The following PSD3 variants were observed in gnomAD, a reference collection of about 807,000 sequenced individuals.
The protein encoded by PSD3 is PH and SEC7 domain-containing protein 3.
Under a neutral mutation model 105.5 loss-of-function variants are expected in PSD3, and 49 were observed. The ratio of observed to expected loss-of-function variants is 0.46; its 90% CI spans 0.37 to 0.59. PSD3 has a LOEUF of 0.59. Among genes scored for constraint, PSD3 ranks in the 20% least tolerant of loss-of-function variants. PSD3 has a pLI of 0.00. For missense variants in PSD3, 1,561 were observed against 1,263.8 expected (o/e 1.24, Z -3.57); for synonymous variants, 557 against 457.8 (o/e 1.22, Z -2.77).
At chr8:19,017,290 CCTT>C (rs1827208632), upstream of PSD3, among the ~76,000 whole-genome samples, 1 of 152,102 alleles carries the variant, frequency 6.6e-6, no homozygotes, top group Non-Finnish European at 1.5e-5. Flanking sequence ...CTCAAACAGT[CCTT>C]CTGCCTCAGC....
intron 14 of PSD3, among the ~76,000 whole-genome samples, chr8:18,562,696 C>T (rs546540485): frequency 7.2e-5 from 11 of 152,230 alleles, no homozygotes; most frequent in South Asian, 2.1e-4. Context: ...CGAGACCAGC[C>T]TGGCCAACAT....
chr8:18,573,748 C>T (rs1545999), intron 13 of PSD3, among the ~76,000 whole-genome samples: 95,622 of 151,964 alleles, frequency 0.63, 30,369 homozygotes, highest in African/African-American at 0.69. Context: ...GGCAATACTG[C>T]AGAGGCAGAA....
intron 9 of PSD3, among the ~76,000 whole-genome samples, chr8:18,674,589 C>T (rs945984224): frequency 6.6e-6 from 1 of 152,164 alleles, no homozygotes; most frequent in Non-Finnish European, 1.5e-5. Flanking sequence ...CACTTAATCA[C>T]AGTCTAAGAG....
chr8:18,745,362 A>T (rs1317537374), intron 9 of PSD3, among the ~76,000 whole-genome samples: 2 of 152,176 alleles, frequency 1.3e-5, no homozygotes, highest in Non-Finnish European at 1.5e-5. Context: ...CCTTCTCCAC[A>T]ATTTTTAAAA....
At chr8:19,043,053 C>T (rs1276645034) in intron 1 of PSD3, among the ~76,000 whole-genome samples, 1 of 152,104 alleles carries the variant, frequency 6.6e-6, no homozygotes, top group Non-Finnish European at 1.5e-5. Context: ...CTACTTTGAC[C>T]TTACAGAAAG....
chr8:19,031,808 G>A (rs966771201), intron 1 of PSD3, among the ~76,000 whole-genome samples: 2 of 152,148 alleles, frequency 1.3e-5, no homozygotes, highest in Non-Finnish European at 2.9e-5. Flanking sequence ...TAGTCTCATA[G>A]AACTGAACTA....
chr8:18,559,356 C>T (rs936697381), intron 14 of PSD3, among the ~76,000 whole-genome samples: 2 of 151,988 alleles, frequency 1.3e-5, no homozygotes, highest in Non-Finnish European at 2.9e-5. Flanking sequence ...TTTATATTTC[C>T]CTGAATATGA....
intron 14 of PSD3, among the ~76,000 whole-genome samples, chr8:18,563,980 T>C (rs1329348314): frequency 6.6e-6 from 1 of 152,096 alleles, no homozygotes; most frequent in Non-Finnish European, 1.5e-5. Context: ...AGTTTTAAAA[T>C]CAGTATTGAG....
chr8:18,607,691 A>AC (rs1563372429), intron 11 of PSD3, among the ~76,000 whole-genome samples: 3 of 94,138 alleles, frequency 3.2e-5, no homozygotes, highest in Non-Finnish European at 7.0e-5. Context: ...TACAAAAAAA[A>AC]AAAACAAAAC....
intron 1 of PSD3, among the ~76,000 whole-genome samples, 175 bp downstream of exon 1, chr8:19,013,388 C>T (rs1827045263): frequency 6.6e-6 from 1 of 152,122 alleles, no homozygotes; most frequent in Admixed American, 6.5e-5. Flanking sequence ...TCCTAAAAAA[C>T]ACAAAGCAAG....
chr8:18,752,860 C>T (rs1585842504), intron 9 of PSD3, among the ~76,000 whole-genome samples: 1 of 150,448 alleles, frequency 6.6e-6, no homozygotes. Flanking sequence ...AAAAGAGTAA[C>T]AATGTACCTG....
At chr8:18,706,666 G>A (rs984160175) in intron 9 of PSD3, among the ~76,000 whole-genome samples, 1 of 152,198 alleles carries the variant, frequency 6.6e-6, no homozygotes, top group Non-Finnish European at 1.5e-5. Flanking sequence ...GATGGATATA[G>A]AAGCTGCATC....
intron 1 of PSD3, among the ~76,000 whole-genome samples, chr8:19,002,599 G>A (rs777927492): frequency 6.6e-6 from 1 of 152,162 alleles, no homozygotes; most frequent in Admixed American, 6.5e-5. Flanking sequence ...ATAAAACCAT[G>A]TAGCATTTGC....
chr8:18,600,020 C>T (rs902992165), intron 12 of PSD3, among the ~76,000 whole-genome samples: 1 of 152,152 alleles, frequency 6.6e-6, no homozygotes, highest in Non-Finnish European at 1.5e-5. Flanking sequence ...CACTTGAACA[C>T]AAACACTGCG....
At position 18,990,208 on chromosome 8, in the gene PSD3, T is replaced by C. The variant is rs1825714744; in HGVS notation, c.21+23355A>G. Among the ~76,000 whole-genome samples the C allele has an allele frequency of 3.3e-5, 5 of 152,350 alleles. No homozygotes were observed. The South Asian group carries it at 1.0e-3, about 32-fold the overall frequency. ...TCACAGGGCATCCAGAGTGATTTTT[T>C]TAAAAGGCTAAACTGCTTAAACCTC... On this transcript the variant is annotated intron_variant, in intron 1 of 15. Coordinates refer to ENST00000327040, the MANE Select transcript of PSD3 (RefSeq NM_015310.4).
chr8:18,739,168 A>G (rs1336828488), intron 9 of PSD3, among the ~76,000 whole-genome samples: 1 of 152,222 alleles, frequency 6.6e-6, no homozygotes, highest in African/African-American at 2.4e-5. Flanking sequence ...GAAGAATATT[A>G]ACCAACCAAA....
chr8:18,752,809 G>A (rs1329013431), intron 9 of PSD3, among the ~76,000 whole-genome samples: 4 of 147,562 alleles, frequency 2.7e-5, no homozygotes, highest in Admixed American at 7.0e-5. Flanking sequence ...GCCTTTCATT[G>A]CTGTTTTTGG....
At chr8:18,616,055 G>A (rs1805637115) in intron 11 of PSD3, among the ~76,000 whole-genome samples, 1 of 152,216 alleles carries the variant, frequency 6.6e-6, no homozygotes, top group South Asian at 2.1e-4. Flanking sequence ...CAACCTAGGA[G>A]CTCCAAAAGT....
chr8:18,558,856 C>G (rs1435383967), intron 14 of PSD3, among the ~76,000 whole-genome samples: 1 of 152,098 alleles, frequency 6.6e-6, no homozygotes. Context: ...GAAGTGTATT[C>G]TCTAGGTTTT....
Sources: allele counts gnomAD v4.1 joint callset (sites outside exome capture counted in the v4.1 genomes callset), GRCh38; gene constraint gnomAD v4.1.1; transcripts MANE v1.5; gene names NCBI Gene and HGNC (gene_info 2026-07-23, HGNC 2026-07-21).